The following ARHGAP10 variants were observed in gnomAD, a reference collection of about 807,000 sequenced individuals.
The protein encoded by ARHGAP10 is Rho GTPase activating protein 10.
In ARHGAP10, 87 loss-of-function variants were observed where a neutral mutation model predicts 108.6. The observed-to-expected ratio is 0.80, with a 90% CI of 0.67 to 0.96. The LOEUF (loss-of-function observed/expected upper bound fraction) is 0.96. Ranked by LOEUF, ARHGAP10 falls within the 40% of genes least tolerant of loss-of-function variation. ARHGAP10 has a pLI of 0.00. For missense variants in ARHGAP10, 939 were observed against 954.5 expected (o/e 0.98, Z 0.21); for synonymous variants, 347 against 341.1 (o/e 1.02, Z -0.19).
At chr4:148,032,226 G>T (rs940936237) in intron 19 of ARHGAP10, among the ~76,000 whole-genome samples, 4 of 151,352 alleles carry the variant, frequency 2.6e-5, no homozygotes, top group African/African-American at 9.7e-5. Context: ...CAGTGCCTGC[G>T]TCTGCAAGCC....
intron 18 of ARHGAP10, among the ~76,000 whole-genome samples, chr4:147,994,021 T>C (rs1391802921): frequency 6.6e-6 from 1 of 152,220 alleles, no homozygotes; most frequent in Non-Finnish European, 1.5e-5. Context: ...GAAATTAACT[T>C]GCCCAAGGTC....
At chr4:147,966,604 A>G (rs1225046671) in intron 17 of ARHGAP10, 76 bp from the exon 18 acceptor site, 1 of 1,323,598 alleles carries the variant, frequency 7.6e-7, no homozygotes, top group Non-Finnish European at 1.0e-6. Flanking sequence ...AAGGAAATAC[A>G]GAGTTGCAGA....
chr4:147,979,482 G>A (rs1739727741), intron 18 of ARHGAP10, among the ~76,000 whole-genome samples: 1 of 151,568 alleles, frequency 6.6e-6, no homozygotes, highest in Admixed American at 6.6e-5. Context: ...AGCCGGCTTT[G>A]TTCCTTTTGC....
chr4:148,001,817 A>G (rs1461122848), intron 18 of ARHGAP10, among the ~76,000 whole-genome samples: 1 of 152,192 alleles, frequency 6.6e-6, no homozygotes, highest in Non-Finnish European at 1.5e-5. Context: ...TTTTGGGCTG[A>G]GATGATGGGG....
intron 18 of ARHGAP10, among the ~76,000 whole-genome samples, chr4:147,988,126 T>A (rs1295989660): frequency 1.3e-5 from 2 of 152,178 alleles, no homozygotes; most frequent in Non-Finnish European, 2.9e-5. Flanking sequence ...TCCCTGAGGC[T>A]GGCTGCTTCT....
chr4:147,794,807 G>GT (rs1197153680), intron 1 of ARHGAP10, among the ~76,000 whole-genome samples: 1 of 152,132 alleles, frequency 6.6e-6, no homozygotes, highest in Admixed American at 6.6e-5. Flanking sequence ...ACCATTTAGT[G>GT]TTTTTTGAAA....
intron 1 of ARHGAP10, among the ~76,000 whole-genome samples, chr4:147,747,215 G>A (rs1253386612): frequency 1.3e-5 from 2 of 151,602 alleles, no homozygotes; most frequent in Non-Finnish European, 2.9e-5. Flanking sequence ...CCGGAGTCAT[G>A]CTGATTCTCT....
chr4:147,907,133 G>A (rs1171713971), intron 11 of ARHGAP10, among the ~76,000 whole-genome samples: 1 of 152,146 alleles, frequency 6.6e-6, no homozygotes, highest in Admixed American at 6.6e-5. Context: ...TTTGCTTGAT[G>A]TAACAATTTA....
intron 1 of ARHGAP10, among the ~76,000 whole-genome samples, chr4:147,780,895 A>G (rs1288858107): frequency 1.3e-5 from 2 of 152,148 alleles, no homozygotes; most frequent in African/African-American, 4.8e-5. Context: ...CTAGGCTGGT[A>G]TCATCAATTT....
intron 20 of ARHGAP10, among the ~76,000 whole-genome samples, chr4:148,050,576 C>T (rs1027730527): frequency 6.6e-5 from 10 of 151,402 alleles, no homozygotes; most frequent in African/African-American, 1.2e-4. Flanking sequence ...GGTTTCACTG[C>T]GTTAGCCAGG....
chr4:147,999,598 C>T (rs545153340), intron 18 of ARHGAP10, among the ~76,000 whole-genome samples: 147 of 152,322 alleles, frequency 9.7e-4, no homozygotes, highest in Non-Finnish European at 1.8e-3. Flanking sequence ...TGCCCATGTT[C>T]GTCGTAATGG....
intron 18 of ARHGAP10, among the ~76,000 whole-genome samples, chr4:148,010,001 T>C (rs1741108700): frequency 6.6e-6 from 1 of 152,222 alleles, no homozygotes; most frequent in Non-Finnish European, 1.5e-5. Context: ...TTTTAATTTT[T>C]GAAATTAAAT....
intron 20 of ARHGAP10, among the ~76,000 whole-genome samples, chr4:148,052,392 C>CTTTTTTT (rs35449374): frequency 2.2e-4 from 20 of 90,680 alleles, no homozygotes; most frequent in African/African-American, 5.3e-4. Flanking sequence ...TGCACATTTG[C>CTTTTTTT]TTTTTTTTTT....
At chr4:147,742,370 T>G (rs1578989043) in intron 1 of ARHGAP10, among the ~76,000 whole-genome samples, 1 of 151,724 alleles carries the variant, frequency 6.6e-6, no homozygotes, top group South Asian at 2.1e-4. Flanking sequence ...CTATGGTAGG[T>G]GCCTATTATT....
chr4:147,789,246 A>G (rs1331470983), intron 1 of ARHGAP10, among the ~76,000 whole-genome samples: 1 of 152,166 alleles, frequency 6.6e-6, no homozygotes, highest in African/African-American at 2.4e-5. Context: ...ATCAAGGTGC[A>G]TTTCTATTTA....
intron 18 of ARHGAP10, among the ~76,000 whole-genome samples, chr4:148,017,682 A>ATGTG (rs1553971551): frequency 3.7e-5 from 5 of 135,262 alleles, no homozygotes; most frequent in Admixed American, 7.3e-5. Flanking sequence ...ATATATATAT[A>ATGTG]TGTGTGTGTA....
At chr4:148,013,819 A>G (rs753396922) in intron 18 of ARHGAP10, among the ~76,000 whole-genome samples, 2 of 152,232 alleles carry the variant, frequency 1.3e-5, no homozygotes, top group South Asian at 4.1e-4. Flanking sequence ...GTATTTACTT[A>G]TACTCAGTTT....
Position 148,046,921 on chromosome 4 carries a change from A to T in ARHGAP10, c.1897A>T (p.Thr633Ser). The change falls in exon 20 of 23, where the codon ACC becomes TCC. Residue 633 changes from threonine (T) to serine (S), a missense_variant. Physicochemically the swap from Thr to Ser is moderately conservative, Grantham distance 58 (BLOSUM62 1). Coordinates refer to ENST00000336498, the MANE Select transcript of ARHGAP10 (RefSeq NM_024605.4). ...CAATCCTTACCCTTCCAAGGAGGAC[A>T]CCCCTACCAGCAGTCTGGACTCACT... The part of the protein sequence containing the change: ...GDNPYPSKED[T>S]PTSSLDSLSS... The T allele has an allele frequency of 1.2e-6, 2 of 1,613,978 alleles. No individual in the cohort carries two copies. Among genetic ancestry groups the T allele is most frequent in the Non-Finnish European group, 1.7e-6 (2 of 1,179,958 alleles).
At chr4:147,836,337 A>G (rs573771197) in intron 3 of ARHGAP10, among the ~76,000 whole-genome samples, 1 of 152,316 alleles carries the variant, frequency 6.6e-6, no homozygotes, top group South Asian at 2.1e-4. Context: ...ATCCTCTTTA[A>G]TAGGACTAGG....
Sources: allele counts gnomAD v4.1 joint callset (sites outside exome capture counted in the v4.1 genomes callset), GRCh38; gene constraint gnomAD v4.1.1; transcripts MANE v1.5; gene names NCBI Gene and HGNC (gene_info 2026-07-23, HGNC 2026-07-21).